CTDP1: variants seen among roughly 807,000 people sequenced by gnomAD.
The protein encoded by CTDP1 is CTD phosphatase 1, also known as RNA polymerase II subunit A C-terminal domain phosphatase.
A neutral mutation model predicts 91.8 loss-of-function variants in CTDP1; 47 were observed. The observed-to-expected ratio is 0.51, with a 90% CI of 0.41 to 0.65. The LOEUF (loss-of-function observed/expected upper bound fraction) is 0.65, where lower values mean the gene tolerates loss of function less well. Among genes scored for constraint, CTDP1 ranks in the 30% least tolerant of loss-of-function variants. The probability of loss-of-function intolerance (pLI) is 0.00; values close to 1 mark genes in which losing one functional copy is unlikely to be tolerated. For synonymous variants in CTDP1, 656 were observed against 598.5 expected, an observed-to-expected ratio of 1.10 and a Z score of -1.40; for missense variants, 1,272 against 1,373.7, an observed-to-expected ratio of 0.93 and a Z score of 1.17.
intron 1 of CTDP1, among the ~76,000 whole-genome samples, chr18:79,694,290 T>TGGGCGGTCTCATGTCCACGGGGTG (rs2085694541): frequency 9.9e-6 from 1 of 101,106 alleles, no homozygotes; most frequent in African/African-American, 3.8e-5. Context: ...CGCTGAGTGC[T>TGGGCGGTCTCATGTCCACGGGGTG]GGGCGGTCTC....
chr18:79,688,157 C>T (rs2085545544), intron 1 of CTDP1, among the ~76,000 whole-genome samples: 1 of 152,288 alleles, frequency 6.6e-6, no homozygotes. Flanking sequence ...GAACCAGGTG[C>T]AGAGCGTCAG....
intron 12 of CTDP1, among the ~76,000 whole-genome samples, chr18:79,737,647 T>G (rs2122793657): frequency 6.6e-6 from 1 of 152,100 alleles, no homozygotes; most frequent in East Asian, 1.9e-4. Context: ...CCCATGCATG[T>G]CCTTGTGTGA....
chr18:79,725,479 G>A (rs757992688), intron 10 of CTDP1, among the ~76,000 whole-genome samples: 1 of 151,948 alleles, frequency 6.6e-6, no homozygotes, highest in South Asian at 2.1e-4. Flanking sequence ...GTTTGGGTGA[G>A]TTGTGGTTGT....
chr18:79,680,294 G>C, intron 1 of CTDP1, 33 bp downstream of exon 1: 1 of 1,241,024 alleles, frequency 8.1e-7, no homozygotes, highest in Non-Finnish European at 1.0e-6. Flanking sequence ...GGCCGAGGGC[G>C]GGCGGCTCCG....
Position 79,693,693 on chromosome 18 carries a change from G to A in CTDP1, c.315-1532G>A, listed in dbSNP as rs148882603. Among the ~76,000 whole-genome samples the A allele has an allele frequency of 3.5e-3, 532 of 152,210 alleles. 4 individuals carry two copies. The highest frequency in any genetic ancestry group is 0.011 in the African/African-American group (470 of 41,508). ...CAGCCCACTCCATCCCCGAGGGCTCGGAGCCCCGCACCGTGTGTCCTCAGC... is the reference window on the plus strand; with the variant it reads ...CAGCCCACTCCATCCCCGAGGGCTCAGAGCCCCGCACCGTGTGTCCTCAGC... On this transcript the variant is annotated intron_variant, in intron 1 of 12. Transcript: ENST00000613122.
intron 1 of CTDP1, among the ~76,000 whole-genome samples, chr18:79,692,989 C>T (rs1189950997): frequency 2.0e-5 from 3 of 152,254 alleles, no homozygotes; most frequent in East Asian, 1.9e-4. Context: ...TGGGTGTTGG[C>T]GGTGGGGCCG....
At chr18:79,710,573 T>C (rs1460691821) in intron 6 of CTDP1, 137 bp downstream of exon 6, 7 of 682,368 alleles carry the variant, frequency 1.0e-5, no homozygotes. Context: ...CAGGCTAGAG[T>C]GCAGTGGCGC....
rs184601846 is a variant in CTDP1, at chr18:79,750,767, G to A, written c.2748-2885G>A. On this transcript the variant is annotated intron_variant, in intron 12 of 12. Transcript: ENST00000613122. Reference sequence around the variant, plus strand: ...GACCTCAGGTGATCCGCCTGACTTGGCCTCCCAAAGTGCTGGTATTACAGG... The same window carrying A: ...GACCTCAGGTGATCCGCCTGACTTGACCTCCCAAAGTGCTGGTATTACAGG... 3.4e-3 allele frequency among the ~76,000 whole-genome samples: 506 copies of A among 150,946 alleles called. 3 individuals are homozygous for A. The highest frequency in any genetic ancestry group is 0.011 in the African/African-American group (459 of 41,018).
intron 1 of CTDP1, among the ~76,000 whole-genome samples, chr18:79,681,279 G>T (rs1437989563): frequency 6.6e-6 from 1 of 152,192 alleles, no homozygotes; most frequent in Non-Finnish European, 1.5e-5. Context: ...CCCTCGGCAC[G>T]GGCACTCACT....
chr18:79,692,772 G>C (rs540989147), intron 1 of CTDP1, among the ~76,000 whole-genome samples: 6 of 152,302 alleles, frequency 3.9e-5, no homozygotes, highest in African/African-American at 1.4e-4. Flanking sequence ...GGGGCAGGGG[G>C]TAGAATGAGG....
At chr18:79,714,085 C>T (rs996675557) in intron 7 of CTDP1, among the ~76,000 whole-genome samples, 3 of 152,030 alleles carry the variant, frequency 2.0e-5, no homozygotes, top group South Asian at 2.1e-4. Context: ...CAGGGGCTTA[C>T]GGTCACGGTG....
chr18:79,728,843 T>G (rs914272817), intron 10 of CTDP1, 64 bp from the exon 11 acceptor site: 1 of 1,526,058 alleles, frequency 6.6e-7, no homozygotes, highest in Non-Finnish European at 8.9e-7. Context: ...GGAGTCTGAT[T>G]CGGTGCGGAA....
Position 79,704,758 on chromosome 18 carries a change from T to C in CTDP1, c.622-9T>C, listed in dbSNP as rs189664759. ...CTTTTCTCCCGACTGTTGCTACTAT[T>C]CTTTTTAGGGCATCTTTCACTTCCA... On this transcript the variant is annotated splice_polypyrimidine_tract_variant and intron_variant, in intron 4 of 12. Transcript: ENST00000613122. The C allele has an allele frequency of 2.4e-5, 38 of 1,613,440 alleles. No homozygotes were observed. In the Admixed American group the frequency reaches 6.0e-4, roughly 25 times the overall value.
At chr18:79,736,285 G>A (rs1426854042) in intron 11 of CTDP1, 70 bp from the exon 12 acceptor site, 23 of 1,543,618 alleles carry the variant, frequency 1.5e-5, no homozygotes, top group African/African-American at 2.7e-5. Flanking sequence ...GGACTCTGCC[G>A]GGAGAAGCCT....
intron 4 of CTDP1, among the ~76,000 whole-genome samples, chr18:79,700,391 A>G (rs1375356872): frequency 6.6e-6 from 1 of 152,256 alleles, no homozygotes; most frequent in East Asian, 1.9e-4. Flanking sequence ...GAACACACAG[A>G]TGATGAGACA....
intron 11 of CTDP1, among the ~76,000 whole-genome samples, chr18:79,732,281 C>T (rs112291287): frequency 3.3e-4 from 48 of 146,742 alleles, no homozygotes; most frequent in East Asian, 4.3e-4. Context: ...CATGAGAACT[C>T]GCTAACATCA....
At chr18:79,696,963 T>TA (rs1406678769) in intron 3 of CTDP1, among the ~76,000 whole-genome samples, 1 of 152,252 alleles carries the variant, frequency 6.6e-6, no homozygotes, top group Non-Finnish European at 1.5e-5. Context: ...TTTCCAGTGT[T>TA]ACGATTTTAG....
chr18:79,734,602 T>C (rs1362426200), intron 11 of CTDP1, among the ~76,000 whole-genome samples: 2 of 151,072 alleles, frequency 1.3e-5, no homozygotes, highest in Non-Finnish European at 2.9e-5. Context: ...CGAGGGTCCC[T>C]CGGGTCCGTG....
At chr18:79,705,650 C>T (rs1288749633) in intron 5 of CTDP1, among the ~76,000 whole-genome samples, 2 of 152,268 alleles carry the variant, frequency 1.3e-5, no homozygotes, top group Non-Finnish European at 2.9e-5. Context: ...CGGCGACCGT[C>T]TGTCCCACAT....
Sources: gnomAD v4.1 joint callset for allele counts (sites outside exome capture counted in the v4.1 genomes callset) on GRCh38, gnomAD v4.1.1 for gene constraint, MANE v1.5 for transcripts, NCBI Gene and HGNC (gene_info 2026-07-23, HGNC 2026-07-21) for gene names.